GLRA2: variants seen among roughly 807,000 people sequenced by gnomAD.
GLRA2 encodes the protein glycine receptor subunit alpha-2.
GLRA2 carries 11 observed loss-of-function variants against 31.6 expected under a neutral mutation model. The ratio of observed to expected loss-of-function variants is 0.35; its 90% CI spans 0.22 to 0.58. The LOEUF (loss-of-function observed/expected upper bound fraction) is 0.58. GLRA2 is among the 20% of genes least tolerant of loss of function. GLRA2 has a pLI of 0.84. For missense variants in GLRA2, 212 were observed against 351.8 expected, an observed-to-expected ratio of 0.60 and a Z score of 3.18; for synonymous variants, 132 against 134.0, an observed-to-expected ratio of 0.99 and a Z score of 0.10.
At chrX:14,691,657 G>C (rs753329862) in intron 8 of GLRA2, among the ~76,000 whole-genome samples, 1 of 111,708 alleles carries the variant, frequency 9.0e-6, no homozygotes, top group East Asian at 2.8e-4. Flanking sequence ...ACCAGCCTCT[G>C]TATTTCTGCA....
chrX:14,525,607 C>T (rs1004320913), upstream of GLRA2, among the ~76,000 whole-genome samples: 1 of 111,000 alleles, frequency 9.0e-6, no homozygotes. Flanking sequence ...ATGAGAATGA[C>T]ACTGAGAGGG....
chrX:14,482,812 G>T, the GLRA2 span, among the ~76,000 whole-genome samples: 4 of 110,212 alleles, frequency 3.6e-5, no homozygotes, highest in African/African-American at 1.3e-4. Context: ...TATGTGCCAG[G>T]CATATATTTA....
At chrX:14,640,654 ATT>A (rs1445616409) in intron 7 of GLRA2, among the ~76,000 whole-genome samples, 2 of 111,249 alleles carry the variant, frequency 1.8e-5, no homozygotes, top group Non-Finnish European at 3.8e-5. Context: ...TATAAATGGA[ATT>A]TTGCAGTTCG....
At chrX:14,723,868 G>A (rs1601898123) in intron 8 of GLRA2, among the ~76,000 whole-genome samples, 1 of 112,072 alleles carries the variant, frequency 8.9e-6, no homozygotes, top group East Asian at 2.8e-4. Flanking sequence ...TTCCTTCAGA[G>A]CCCTTATCAT....
chrX:14,502,490 G>C, the GLRA2 span, among the ~76,000 whole-genome samples: 4 of 111,413 alleles, frequency 3.6e-5, no homozygotes, highest in East Asian at 1.1e-3. Context: ...AGTATTTACT[G>C]TATACAGTCA....
upstream of GLRA2, among the ~76,000 whole-genome samples, chrX:14,527,834 A>C (rs774258967): frequency 7.3e-4 from 82 of 111,635 alleles, no homozygotes; most frequent in African/African-American, 2.5e-3. Flanking sequence ...TCAGGACAGC[A>C]GGGATAAAAT....
intron 8 of GLRA2, among the ~76,000 whole-genome samples, chrX:14,729,562 C>T (rs2091967110): frequency 9.0e-6 from 1 of 111,240 alleles, no homozygotes; most frequent in South Asian, 3.7e-4. Context: ...GATTCACCAG[C>T]CAAATAATCA....
chrX:14,490,109 G>T, the GLRA2 span, among the ~76,000 whole-genome samples: 3 of 111,235 alleles, frequency 2.7e-5, no homozygotes, highest in South Asian at 1.2e-3. Flanking sequence ...TAACCCATCA[G>T]TCAGTATCCT....
rs1192507646 is a variant in GLRA2 at position 14,682,150 on chromosome X, G to A, written c.931-8560G>A. Among the ~76,000 whole-genome samples the A allele has an allele frequency of 2.8e-5, 3 of 107,386 alleles. No homozygotes were observed. In the South Asian group the frequency reaches 1.2e-3, roughly 44 times the overall value. The allele number at this position is 107,386 out of a possible 115,157, so 93.3% of individuals were successfully genotyped here. ...AAGAAACATGGCCCCTAACTCAGAT[G>A]AGAGAAAGGGGAAAGGTCGGGATAT... is the stretch of plus-strand genomic sequence containing the variant. On this transcript the variant is annotated intron_variant, in intron 7 of 8. Coordinates refer to ENST00000218075, the MANE Select transcript of GLRA2 (RefSeq NM_002063.4).
chrX:14,538,832 G>A (rs932814236), intron 2 of GLRA2, among the ~76,000 whole-genome samples: 10 of 111,609 alleles, frequency 9.0e-5, no homozygotes, highest in Non-Finnish European at 1.9e-4. Flanking sequence ...ATAGTACTGA[G>A]ATGATTTCCT....
intron 8 of GLRA2, among the ~76,000 whole-genome samples, chrX:14,726,233 C>T (rs2091927432): frequency 8.9e-6 from 1 of 111,773 alleles, no homozygotes; most frequent in Non-Finnish European, 1.9e-5. Flanking sequence ...TTATTCTGAA[C>T]CTGCTAGAAA....
chrX:14,581,720 C>G (rs3027352), intron 4 of GLRA2, among the ~76,000 whole-genome samples: 1,278 of 108,301 alleles, frequency 0.012, 33 homozygotes, highest in African/African-American at 0.04. Context: ...GCATAATATA[C>G]AAAATCTCAT....
At chrX:14,490,541 C>T in the GLRA2 span, among the ~76,000 whole-genome samples, 3 of 112,425 alleles carry the variant, frequency 2.7e-5, no homozygotes, top group Admixed American at 9.4e-5. Flanking sequence ...TTCTGTAATA[C>T]AAGCTCCTTT....
chrX:14,516,560 G>A, the GLRA2 span, among the ~76,000 whole-genome samples: 13 of 111,165 alleles, frequency 1.2e-4, no homozygotes, highest in African/African-American at 2.3e-4. Flanking sequence ...CCAGTGAACC[G>A]TACCTTCTGG....
intron 3 of GLRA2, among the ~76,000 whole-genome samples, chrX:14,578,291 T>C (rs2089978922): frequency 8.9e-6 from 1 of 112,048 alleles, no homozygotes; most frequent in South Asian, 3.7e-4. Context: ...TCCCACTAAT[T>C]TATTGTAGGT....
the GLRA2 span, among the ~76,000 whole-genome samples, chrX:14,465,265 A>G: frequency 8.9e-6 from 1 of 112,046 alleles, no homozygotes; most frequent in Non-Finnish European, 1.9e-5. Flanking sequence ...CATTGGTCAC[A>G]TAGAGCAATG....
At chrX:14,533,015 T>G (rs942140981) in intron 2 of GLRA2, among the ~76,000 whole-genome samples, 2 of 111,712 alleles carry the variant, frequency 1.8e-5, no homozygotes, top group Non-Finnish European at 3.8e-5. Flanking sequence ...TTTTATTTGT[T>G]GAACATTACA....
chrX:14,520,291 A>C, the GLRA2 span, among the ~76,000 whole-genome samples: 1 of 112,574 alleles, frequency 8.9e-6, no homozygotes, highest in African/African-American at 3.2e-5. Flanking sequence ...TTCTAAGACA[A>C]GTGCTACTGC....
the GLRA2 span, among the ~76,000 whole-genome samples, chrX:14,491,067 T>G: frequency 8.9e-6 from 1 of 112,042 alleles, no homozygotes; most frequent in Non-Finnish European, 1.9e-5. Context: ...TAGTCAGAAT[T>G]ACTATAAAAT....
Sources: gnomAD v4.1 joint callset for allele counts (sites outside exome capture counted in the v4.1 genomes callset) on GRCh38, gnomAD v4.1.1 for gene constraint, MANE v1.5 for transcripts, NCBI Gene and HGNC (gene_info 2026-07-23, HGNC 2026-07-21) for gene names.